Variants in BCCIP observed in about 807,000 individuals in gnomAD.
The protein encoded by BCCIP is BRCA2 and CDKN1A-interacting protein.
Under a neutral mutation model 32.8 loss-of-function variants are expected in BCCIP, and 23 were observed. The observed-to-expected ratio is 0.70, with a 90% CI of 0.51 to 0.99. BCCIP has a LOEUF of 0.99. BCCIP is among the 50% of genes least tolerant of loss of function. BCCIP has a pLI of 0.00. For missense variants in BCCIP, 378 were observed against 379.8 expected (o/e 1.00, Z 0.04); for synonymous variants, 144 against 137.6 (o/e 1.05, Z -0.33).
At chr10:125,834,343 A>G (rs1322186828) in intron 6 of BCCIP, among the ~76,000 whole-genome samples, 1 of 152,198 alleles carries the variant, frequency 6.6e-6, no homozygotes, top group Non-Finnish European at 1.5e-5. Context: ...GCGATCACAC[A>G]GCTGGTCAGT....
intron 6 of BCCIP, 156 bp downstream of exon 6, chr10:125,834,102 C>T (rs1854592059): frequency 1.3e-6 from 1 of 758,876 alleles, no homozygotes; most frequent in South Asian, 1.8e-5. Context: ...TAACATAGTG[C>T]CAGGTGCATA....
downstream of BCCIP, chr10:125,838,262 T>A (rs746824503): frequency 6.2e-7 from 1 of 1,613,488 alleles, no homozygotes; most frequent in Admixed American, 1.7e-5. Context: ...AAATGCTGAA[T>A]TTATGGAAGA....
chr10:125,831,207 ACT>A (rs1854513520), intron 4 of BCCIP, among the ~76,000 whole-genome samples: 1 of 151,864 alleles, frequency 6.6e-6, no homozygotes, highest in East Asian at 1.9e-4. Context: ...GTTAATTATG[ACT>A]CTCTTACCAC....
intron 3 of BCCIP, among the ~76,000 whole-genome samples, chr10:125,828,716 G>T (rs951892394): frequency 6.6e-6 from 1 of 152,182 alleles, no homozygotes; most frequent in East Asian, 1.9e-4. Context: ...ATAGCTTAGT[G>T]TCGTAAAATA....
At chr10:125,824,866 A>G (rs1302495989) in intron 1 of BCCIP, among the ~76,000 whole-genome samples, 2 of 152,278 alleles carry the variant, frequency 1.3e-5, no homozygotes, top group Non-Finnish European at 2.9e-5. Context: ...TGGCTGGATC[A>G]GAATAAGGAA....
rs747820971 is a variant in BCCIP at position 125,841,911 on chromosome 10, A to G, written c.*552A>G. On this transcript the variant is annotated 3_prime_UTR_variant, in exon 7 of 7. Coordinates refer to the BCCIP transcript ENST00000299130. ...GCTGCCAGATAATCTAAGTCTTCCA[A>G]TGCCTGCATCAAACTTTCTGGTGCT... 18 of 1,601,534 alleles carry G rather than the reference A, an allele frequency of 1.1e-5. No homozygotes were observed. Among genetic ancestry groups the G allele is most frequent in the Admixed American group, 5.3e-5 (3 of 57,020 alleles).
At chr10:125,850,354 C>CTTTTTTTTTTTTTT (rs765077777) in intron 7 of BCCIP, among the ~76,000 whole-genome samples, 2 of 124,552 alleles carry the variant, frequency 1.6e-5, no homozygotes, top group Non-Finnish European at 3.4e-5. Flanking sequence ...TTCTTTCTTT[C>CTTTTTTTTTTTTTT]TTTTTTTTTT....
At chr10:125,842,279 G>A (rs1339769762) in exon 7 of BCCIP, 2 of 237,762 alleles carry the variant, frequency 8.4e-6, no homozygotes, top group East Asian at 2.5e-4. Flanking sequence ...TCACAGTACT[G>A]GAGAGAGACA....
At chr10:125,853,213 C>G (rs755488722) in exon 8 of BCCIP, 1 of 1,612,054 alleles carries the variant, frequency 6.2e-7, no homozygotes, top group East Asian at 2.2e-5. Flanking sequence ...TCCAGGGAAC[C>G]TTCATGACTG....
intron 6 of BCCIP, among the ~76,000 whole-genome samples, chr10:125,835,767 C>T (rs1030624082): frequency 1.3e-5 from 2 of 152,150 alleles, no homozygotes; most frequent in African/African-American, 4.8e-5. Flanking sequence ...AAGACAAGTT[C>T]TTGTTAAATA....
downstream of BCCIP, chr10:125,838,085 C>T (rs1408254459): frequency 1.3e-5 from 12 of 929,884 alleles, no homozygotes; most frequent in Middle Eastern, 6.7e-4. Flanking sequence ...GTACTGTCAA[C>T]GTAAATTAAG....
At chr10:125,826,774 A>C in intron 2 of BCCIP, 109 bp downstream of exon 2, 2 of 1,479,274 alleles carry the variant, frequency 1.4e-6, no homozygotes, top group Non-Finnish European at 1.8e-6. Context: ...CCGAGGTGAG[A>C]GGATTGCTTG....
chr10:125,838,081 T>A (rs1854753768), downstream of BCCIP: 3 of 872,396 alleles, frequency 3.4e-6, no homozygotes, highest in Non-Finnish European at 5.1e-6. Flanking sequence ...GTAGGTACTG[T>A]CAACGTAAAT....
chr10:125,837,216 GCTT>G (rs541216082), downstream of BCCIP, among the ~76,000 whole-genome samples: 1 of 152,120 alleles, frequency 6.6e-6, no homozygotes, highest in Non-Finnish European at 1.5e-5. Context: ...GGGTATCTTT[GCTT>G]CTTATTTTAA....
At chr10:125,842,090 A>G in exon 7 of BCCIP, 1 of 1,025,198 alleles carries the variant, frequency 9.8e-7, no homozygotes, top group Non-Finnish European at 1.3e-6. Flanking sequence ...AGTGAAGGAT[A>G]GTGATTCTTG....
At chr10:125,853,166 G>C (rs765172574) in exon 8 of BCCIP, 1 of 1,612,846 alleles carries the variant, frequency 6.2e-7, no homozygotes, top group East Asian at 2.2e-5. Context: ...TTCTCTGAAG[G>C]CTGGACTAAT....
In BCCIP at chr10:125,836,340, A is replaced by G. The variant is rs1854683394; in HGVS notation, c.*66A>G. 1 of 1,609,800 alleles carries G rather than the reference A, an allele frequency of 6.2e-7. No individual in the cohort carries two copies. Among genetic ancestry groups the G allele is most frequent in the East Asian group, 2.2e-5 (1 of 44,842 alleles). On this transcript the variant is annotated 3_prime_UTR_variant, in exon 7 of 7. Coordinates refer to ENST00000278100, the MANE Select transcript of BCCIP (RefSeq NM_078468.3). ...TTACCAGAAAACTCAGTGGAGATTT[A>G]CTGAAAAACTCAGACTTTATTCAGA...
downstream of BCCIP, chr10:125,841,074 C>CA (rs1307634926): frequency 7.3e-6 from 11 of 1,504,438 alleles, no homozygotes; most frequent in Non-Finnish European, 9.9e-6. Flanking sequence ...GGGGAGGGGT[C>CA]ACGACTGTTA....
Position 125,836,453 on chromosome 10 carries a change from T to C in BCCIP, c.*179T>C. 1 of 1,416,966 alleles carries C rather than the reference T, an allele frequency of 7.1e-7. No homozygotes were observed. 87.8% of individuals were successfully genotyped at this position (1,416,966 alleles called of 1,614,324 possible). A position where few individuals can be genotyped will look rare whatever the true frequency, so the allele number is the denominator to read the frequency against. On this transcript the variant is annotated 3_prime_UTR_variant, in exon 7 of 7. Transcript: ENST00000278100. ...CAGTTTTTTAAAATTTTGGTCAAATTATGAGTGGTTGATTTAAAAACTTTT... is the reference window on the plus strand; with the variant it reads ...CAGTTTTTTAAAATTTTGGTCAAATCATGAGTGGTTGATTTAAAAACTTTT...
Sources: gnomAD v4.1 joint callset for allele counts (sites outside exome capture counted in the v4.1 genomes callset) on GRCh38, gnomAD v4.1.1 for gene constraint, MANE v1.5 for transcripts, NCBI Gene and HGNC (gene_info 2026-07-23, HGNC 2026-07-21) for gene names.